The following BCL9 variants were observed in gnomAD, a reference collection of about 807,000 sequenced individuals.
BCL9 encodes BCL9 transcription coactivator.
In BCL9, 25 loss-of-function variants were observed where a neutral mutation model predicts 88.5. The observed-to-expected ratio is 0.28, with a 90% confidence interval of 0.21 to 0.39. The LOEUF (loss-of-function observed/expected upper bound fraction) is 0.39, where lower values mean the gene tolerates loss of function less well. BCL9 is among the 10% of genes least tolerant of loss of function. BCL9 has a pLI of 1.00. For synonymous variants in BCL9, 711 were observed against 673.3 expected (o/e 1.06, Z -0.87); for missense variants, 1,817 against 1,877.8 (o/e 0.97, Z 0.60).
In BCL9 at chr1:147,620,793, T is replaced by C. The variant is rs957460631; in HGVS notation, c.2638T>C (p.Ser880Pro). The C allele has an allele frequency of 3.7e-6, 6 of 1,613,994 alleles. No individual in the cohort carries two copies. The highest frequency in any genetic ancestry group is 5.1e-6 in the Non-Finnish European group (6 of 1,180,038). The change falls in exon 8 of 10, where the codon TCG (serine) becomes CCG (proline). Residue 880 changes from serine to proline, a missense_variant. By Grantham distance (74) the Ser-to-Pro change is moderately conservative (BLOSUM62 -1). Transcript: ENST00000234739. ...QVQSPMLGSP[S>P]GNLKSPQTPS... is the part of the protein sequence containing the mutation. ...CCAGTCACCAATGCTGGGCTCGCCC[T>C]CGGGGAACCTCAAGTCCCCCCAGAC...
intron 1 of BCL9, among the ~76,000 whole-genome samples, chr1:147,599,493 C>G (rs75855019): frequency 6.8e-6 from 1 of 146,220 alleles, no homozygotes; most frequent in African/African-American, 2.6e-5. Flanking sequence ...CCTGGCCCCC[C>G]GCCCCCCTCG....
At position 147,620,351 on chromosome 1, in the gene BCL9, G is replaced by C. The variant is rs782121852; in HGVS notation, c.2196G>C (p.Met732Ile). The change falls in exon 8 of 10, where the codon ATG becomes ATC. Residue 732 changes from methionine to isoleucine, a missense_variant. By Grantham distance (10) the Met-to-Ile change is conservative (BLOSUM62 1). This residue lies in a region of BCL9 where 1,228 missense variants were observed against 1,191.6 expected (regional missense o/e 1.03). Transcript: ENST00000234739. ...TCAACATGGGATCCAACTCTCAGAT[G>C]ATACCTCAGAAGATGAGAGAGGCTG... The part of the protein sequence containing the change: ...LNVNMGSNSQ[M>I]IPQKMREAGA... The C allele has an allele frequency of 1.2e-6, 2 of 1,614,222 alleles. No homozygotes were observed. Among genetic ancestry groups the C allele is most frequent in the Non-Finnish European group, 1.7e-6 (2 of 1,180,038 alleles).
intron 2 of BCL9, among the ~76,000 whole-genome samples, chr1:147,605,802 T>G (rs1447348615): frequency 6.6e-6 from 1 of 152,208 alleles, no homozygotes; most frequent in Non-Finnish European, 1.5e-5. Flanking sequence ...TTCCACATTC[T>G]AAGTTTGATA....
At chr1:147,578,064 C>T (rs909890820) in intron 1 of BCL9, among the ~76,000 whole-genome samples, 2 of 152,176 alleles carry the variant, frequency 1.3e-5, no homozygotes, top group Admixed American at 1.3e-4. Context: ...AGTTTTCCCT[C>T]TCAAGGAATA....
At chr1:147,577,396 C>A (rs2101542197) in intron 1 of BCL9, among the ~76,000 whole-genome samples, 1 of 152,236 alleles carries the variant, frequency 6.6e-6, no homozygotes, top group Admixed American at 6.5e-5. Context: ...TGGATGGAGA[C>A]AGACTCTCAT....
intron 1 of BCL9, among the ~76,000 whole-genome samples, chr1:147,588,085 T>A (rs185379517): frequency 1.4e-3 from 208 of 152,334 alleles, no homozygotes; most frequent in Non-Finnish European, 2.5e-3. Flanking sequence ...GTGATGACTA[T>A]AAGCGGTATT....
intron 6 of BCL9, among the ~76,000 whole-genome samples, chr1:147,614,826 A>G (rs1658190956): frequency 6.8e-6 from 1 of 147,438 alleles, no homozygotes; most frequent in Non-Finnish European, 1.5e-5. Context: ...GTACAAATAT[A>G]CATATATATC....
chr1:147,606,922 G>C (rs1553202070), intron 3 of BCL9, 56 bp downstream of exon 3: 1 of 152,532 alleles, frequency 6.6e-6, no homozygotes, highest in East Asian at 1.9e-4. Context: ...AGAAGAACGA[G>C]CTTAGGGAAA....
At chr1:147,556,359 C>T (rs1392502325) in intron 1 of BCL9, among the ~76,000 whole-genome samples, 2 of 151,598 alleles carry the variant, frequency 1.3e-5, no homozygotes, top group African/African-American at 4.8e-5. Context: ...CTCCTGACCT[C>T]ATGATCTGCC....
chr1:147,577,392 G>A (rs73007970), intron 1 of BCL9, among the ~76,000 whole-genome samples: 2,188 of 152,248 alleles, frequency 0.014, 47 homozygotes, highest in African/African-American at 0.05. Flanking sequence ...GCCTTGGATG[G>A]AGACAGACTC....
chr1:147,624,007 G>T lies in BCL9; in HGVS notation c.3329G>T (p.Gly1110Val), dbSNP rs782257784. Reference sequence around the variant, plus strand: ...ATACCTCCTCATGGGGTCCCAATGGGGCCTGGCTTGATGTCACACAATCCT... The same window carrying T: ...ATACCTCCTCATGGGGTCCCAATGGTGCCTGGCTTGATGTCACACAATCCT... ...PNIPPHGVPM[G>V]PGLMSHNPIM... The change falls in exon 10 of 10, where the codon GGG (glycine) becomes GTG (valine). Residue 1110 changes from glycine (G) to valine (V), a missense_variant. Gly to Val is a moderately radical substitution (Grantham distance 109). Around this residue, in one of 2 missense-constraint regions of BCL9, gnomAD observed 589 missense variants for 686.2 expected, o/e 0.86. Transcript: ENST00000234739. The surrounding 1 kb of genome is among the most constrained non-coding windows in gnomAD (Gnocchi z 4.4). The T allele has an allele frequency of 1.2e-6, 2 of 1,614,148 alleles. No individual in the cohort carries two copies. Among genetic ancestry groups the T allele is most frequent in the South Asian group, 2.2e-5 (2 of 91,080 alleles).
At chr1:147,549,163 G>A (rs1557818266) in intron 1 of BCL9, among the ~76,000 whole-genome samples, 1 of 151,850 alleles carries the variant, frequency 6.6e-6, no homozygotes, top group Non-Finnish European at 1.5e-5. Context: ...ATTTAGTAGA[G>A]ACAGAGTTTT....
At chr1:147,607,443 G>C (rs987304333) in intron 3 of BCL9, among the ~76,000 whole-genome samples, 1 of 152,314 alleles carries the variant, frequency 6.6e-6, no homozygotes, top group Middle Eastern at 3.4e-3. Context: ...CCTTCATGGA[G>C]CTTATGGTCT....
chr1:147,612,986 G>A lies in BCL9; in HGVS notation c.157G>A (p.Gly53Arg), dbSNP rs782309231. ...DSKFSNQGKQ[G>R]GSASQSQPSP... ...CAAATTCTCCAATCAGGGTAAACAG[G>A]GGGGCTCAGCCAGCCAATCCCAGCC... Residue 53 changes from glycine (G) to arginine (R), a missense_variant, in exon 5 of 10, where the codon GGG becomes AGG. Around this residue, in one of 2 missense-constraint regions of BCL9, gnomAD observed 1,228 missense variants for 1,191.6 expected, o/e 1.03. Transcript: ENST00000234739. The A allele has an allele frequency of 1.2e-6, 2 of 1,610,582 alleles. No individual in the cohort carries two copies. The highest frequency in any genetic ancestry group is 1.7e-5 in the Admixed American group (1 of 59,498).
intron 1 of BCL9, among the ~76,000 whole-genome samples, chr1:147,562,418 G>T (rs1051028079): frequency 3.9e-5 from 6 of 152,212 alleles, no homozygotes; most frequent in African/African-American, 1.4e-4. Context: ...TTCGGTACTG[G>T]GGAGCCATTA....
rs781977881 is a variant in BCL9, at chr1:147,615,783, T to C, written c.561-20T>C. On this transcript the variant is annotated intron_variant, in intron 6 of 9. Transcript: ENST00000234739. ...AATAGAAACAAGTTCTAGTGTGTGC[T>C]GTCTCTTCCATCTTTGCAGAGCTGC... 4 of 1,599,208 alleles carry C rather than the reference T, an allele frequency of 2.5e-6. No homozygotes were observed. Among genetic ancestry groups the C allele is most frequent in the East Asian group, 2.2e-5 (1 of 44,792 alleles).
chr1:147,612,872 G>C lies in BCL9; in HGVS notation c.54-11G>C. 1 of 1,612,800 alleles carries C rather than the reference G, an allele frequency of 6.2e-7. No homozygotes were observed. The highest frequency in any genetic ancestry group is 8.5e-7 in the Non-Finnish European group (1 of 1,179,198). On this transcript the variant is annotated splice_polypyrimidine_tract_variant and intron_variant, in intron 4 of 9. Coordinates refer to ENST00000234739, the MANE Select transcript of BCL9 (RefSeq NM_004326.4). ...GGTGTCTGATCTTCCTTTGTTATTTGTTTCTTTTAGTAGCCCTAAGTCAAA... is the reference window on the plus strand; with the variant it reads ...GGTGTCTGATCTTCCTTTGTTATTTCTTTCTTTTAGTAGCCCTAAGTCAAA...
intron 7 of BCL9, among the ~76,000 whole-genome samples, chr1:147,616,807 A>G (rs587604274): frequency 4.6e-4 from 70 of 151,600 alleles, no homozygotes; most frequent in African/African-American, 1.6e-3. Flanking sequence ...GTTTTAATGC[A>G]TGTAGTTTAC....
At chr1:147,585,743 CTT>C (rs1287055437) in intron 1 of BCL9, among the ~76,000 whole-genome samples, 1 of 152,170 alleles carries the variant, frequency 6.6e-6, no homozygotes, top group Non-Finnish European at 1.5e-5. Context: ...TTCTAGCACA[CTT>C]TGTTCTTGCT....
Sources: gnomAD v4.1 joint callset for allele counts (sites outside exome capture counted in the v4.1 genomes callset) on GRCh38, gnomAD v4.1.1 for gene constraint, gnomAD v4.1.1 regional missense constraint, Gnocchi (gnomAD v3.1) non-coding constraint, MANE v1.5 for transcripts, NCBI Gene and HGNC (gene_info 2026-07-23, HGNC 2026-07-21) for gene names.